NOL4: variants seen among roughly 807,000 people sequenced by gnomAD.
NOL4 encodes the protein cancer/testis antigen 125.
A neutral mutation model predicts 75.9 loss-of-function variants in NOL4; 17 were observed. The ratio of observed to expected loss-of-function variants is 0.22; its 90% CI spans 0.15 to 0.34. The LOEUF is 0.34. Ranked by LOEUF, NOL4 falls within the 10% of genes least tolerant of loss-of-function variation. NOL4 has a pLI of 1.00. For missense variants in NOL4, 614 were observed against 793.5 expected, an observed-to-expected ratio of 0.77 and a Z score of 2.72; for synonymous variants, 292 against 289.9, an observed-to-expected ratio of 1.01 and a Z score of -0.07.
rs78026854 is a variant in NOL4, at chr18:33,995,613, C to T, written c.1056+23705G>A. On this transcript the variant is annotated intron_variant, in intron 6 of 10. Transcript: ENST00000261592. ...TCTCAGAGAAACGTCTACCAAAACC[C>T]TTTCTTTCCTTTCTTCTATTGGGTC... 3.5e-3 allele frequency among the ~76,000 whole-genome samples: 532 copies of T among 151,522 alleles called. 3 individuals carry two copies. Among genetic ancestry groups the T allele is most frequent in the African/African-American group, 0.012 (505 of 41,450 alleles).
chr18:33,917,180 G>A (rs1370975419), intron 9 of NOL4, among the ~76,000 whole-genome samples: 1 of 152,048 alleles, frequency 6.6e-6, no homozygotes, highest in Non-Finnish European at 1.5e-5. Flanking sequence ...TTTGCCTTTT[G>A]TGAGGTCTTG....
intron 5 of NOL4, among the ~76,000 whole-genome samples, chr18:34,074,035 C>G (rs1037708424): frequency 2.0e-5 from 3 of 151,518 alleles, no homozygotes; most frequent in Non-Finnish European, 3.0e-5. Flanking sequence ...CAAGAAGTTA[C>G]TTATAAATAC....
chr18:33,933,652 G>A (rs2067850942), intron 9 of NOL4, among the ~76,000 whole-genome samples: 1 of 152,134 alleles, frequency 6.6e-6, no homozygotes, highest in South Asian at 2.1e-4. Context: ...GCTATAAAAA[G>A]CAACTTTTCA....
chr18:34,213,347 T>C (rs994577789), intron 1 of NOL4, among the ~76,000 whole-genome samples: 1 of 152,186 alleles, frequency 6.6e-6, no homozygotes, highest in Non-Finnish European at 1.5e-5. Context: ...TGGAGTGCAG[T>C]GGTGCAATCT....
chr18:34,103,951 T>C (rs2079152706), intron 4 of NOL4, 96 bp downstream of exon 4: 1 of 803,870 alleles, frequency 1.2e-6, no homozygotes, highest in Non-Finnish European at 2.1e-6. Context: ...AATAAATTAC[T>C]GTCTTCAAAA....
At chr18:34,053,181 T>TA (rs2076694594) in intron 5 of NOL4, among the ~76,000 whole-genome samples, 1 of 152,026 alleles carries the variant, frequency 6.6e-6, no homozygotes, top group South Asian at 2.1e-4. Context: ...ATGATGTAAG[T>TA]AGTCAAGATT....
intron 9 of NOL4, among the ~76,000 whole-genome samples, chr18:33,921,324 A>T (rs1347307099): frequency 6.6e-6 from 1 of 152,080 alleles, no homozygotes; most frequent in Non-Finnish European, 1.5e-5. Flanking sequence ...ATTTCTGGGG[A>T]TGTTGGGATA....
chr18:34,142,283 A>G (rs1159264982), intron 1 of NOL4, among the ~76,000 whole-genome samples: 6 of 152,188 alleles, frequency 3.9e-5, no homozygotes, highest in Admixed American at 1.3e-4. Context: ...CGATTCCTCA[A>G]GGATCTAGAA....
intron 1 of NOL4, among the ~76,000 whole-genome samples, chr18:34,150,485 A>G (rs12959234): frequency 0.22 from 33,400 of 151,660 alleles, 4,390 homozygotes; most frequent in East Asian, 0.44. Context: ...CAATACAATG[A>G]AGAAAAGATA....
At chr18:33,875,500 T>C in intron 10 of NOL4, among the ~76,000 whole-genome samples, 1 of 151,970 alleles carries the variant, frequency 6.6e-6, no homozygotes, top group East Asian at 1.9e-4. Flanking sequence ...CTATGAAGTC[T>C]CCAATCGGGC....
At chr18:34,003,392 T>G (rs2073849819) in intron 6 of NOL4, among the ~76,000 whole-genome samples, 1 of 152,106 alleles carries the variant, frequency 6.6e-6, no homozygotes, top group Non-Finnish European at 1.5e-5. Flanking sequence ...TCGTACACCC[T>G]GAATAAATAT....
At chr18:33,888,381 T>C (rs546031768) in intron 9 of NOL4, among the ~76,000 whole-genome samples, 76 of 152,314 alleles carry the variant, frequency 5.0e-4, no homozygotes, top group Non-Finnish European at 8.8e-5. Context: ...CTGTTCACTC[T>C]GATTATAGTT....
intron 4 of NOL4, among the ~76,000 whole-genome samples, chr18:34,098,466 G>A (rs1431351549): frequency 6.6e-6 from 1 of 152,110 alleles, no homozygotes; most frequent in East Asian, 1.9e-4. Context: ...ATCCAGCCAG[G>A]TCCAGCTACC....
intron 1 of NOL4, among the ~76,000 whole-genome samples, chr18:34,206,460 T>C (rs979824943): frequency 6.6e-6 from 1 of 152,160 alleles, no homozygotes; most frequent in Admixed American, 6.6e-5. Context: ...GGAAATTAAT[T>C]CATGGTTTTT....
At chr18:34,040,600 T>C (rs542992838) in intron 5 of NOL4, among the ~76,000 whole-genome samples, 1 of 152,072 alleles carries the variant, frequency 6.6e-6, no homozygotes, top group South Asian at 2.1e-4. Flanking sequence ...CACAAACCAT[T>C]GTGGAAATGT....
chr18:33,866,857 T>A (rs974241606), intron 10 of NOL4, among the ~76,000 whole-genome samples: 1 of 152,164 alleles, frequency 6.6e-6, no homozygotes, highest in Non-Finnish European at 1.5e-5. Context: ...TGTTTATGTA[T>A]ATATTTACAT....
At position 34,148,984 on chromosome 18, in the gene NOL4, A is replaced by G. The variant is rs191028226; in HGVS notation, c.265-18964T>C. On this transcript the variant is annotated intron_variant, in intron 1 of 10. Coordinates refer to ENST00000261592, the MANE Select transcript of NOL4 (RefSeq NM_003787.5). ...TTTTCCTTGAGAAATGAATTATTTA[A>G]TATAAATATAGGGTTCCTCTGAAGA... Among the ~76,000 whole-genome samples the G allele has an allele frequency of 3.5e-3, 534 of 151,816 alleles. 2 individuals are homozygous for G. Among genetic ancestry groups the G allele is most frequent in the Middle Eastern group, 0.014 (4 of 294 alleles).
chr18:33,870,897 G>A (rs575776729), intron 10 of NOL4, among the ~76,000 whole-genome samples: 10 of 151,930 alleles, frequency 6.6e-5, no homozygotes, highest in East Asian at 1.9e-4. Context: ...GTTTCCCTCC[G>A]TGGCCATTTA....
intron 5 of NOL4, among the ~76,000 whole-genome samples, chr18:34,069,658 A>G (rs1440313448): frequency 6.6e-6 from 1 of 152,210 alleles, no homozygotes. Context: ...AATGAACATG[A>G]CTGAGAGACT....
Sources: gnomAD v4.1 joint callset for allele counts (sites outside exome capture counted in the v4.1 genomes callset) on GRCh38, gnomAD v4.1.1 for gene constraint, MANE v1.5 for transcripts, NCBI Gene and HGNC (gene_info 2026-07-23, HGNC 2026-07-21) for gene names.